Variants in SAXO4 observed in about 807,000 individuals in gnomAD.
SAXO4 encodes protein phosphatase 1 regulatory subunit 32.
At chr11:61,488,019 C>A in the SAXO4 span, among the ~76,000 whole-genome samples, 4 of 149,358 alleles carry the variant, frequency 2.7e-5, no homozygotes, top group Admixed American at 6.7e-5. Flanking sequence ...TGGAGTTTCA[C>A]TCTGTCGCCC....
At chr11:61,490,658 C>T in the SAXO4 span, 3 of 1,373,630 alleles carry the variant, frequency 2.2e-6, no homozygotes, top group East Asian at 2.3e-5. Context: ...CCCTGCCTCT[C>T]AAGCCCTGGG....
At chr11:61,485,192 C>A in the SAXO4 span, 1 of 670,056 alleles carries the variant, frequency 1.5e-6, no homozygotes, top group Non-Finnish European at 2.6e-6. Context: ...ATGTCCCACC[C>A]CACAGAGACT....
At chr11:61,485,686 G>A in the SAXO4 span, 3 of 812,950 alleles carry the variant, frequency 3.7e-6, no homozygotes, top group South Asian at 1.6e-5. Flanking sequence ...TCATGGCGCA[G>A]GTCTCCAGGA....
At chr11:61,482,334 G>A in the SAXO4 span, 1 of 1,614,170 alleles carries the variant, frequency 6.2e-7, no homozygotes, top group Non-Finnish European at 8.5e-7. Flanking sequence ...CAAGCCCCGT[G>A]TGGGCAGTCA....
chr11:61,489,468 G>A, the SAXO4 span: 2 of 558,644 alleles, frequency 3.6e-6, no homozygotes, highest in Non-Finnish European at 6.3e-6. Flanking sequence ...AAATGAAATG[G>A]AAGGAAAGTT....
chr11:61,481,949 T>G, the SAXO4 span: 1 of 1,445,260 alleles, frequency 6.9e-7, no homozygotes, highest in Non-Finnish European at 9.5e-7. Context: ...GAGCCTCTGC[T>G]AGGACATGGG....
At chr11:61,490,130 T>G in the SAXO4 span, among the ~76,000 whole-genome samples, 2 of 152,120 alleles carry the variant, frequency 1.3e-5, no homozygotes, top group South Asian at 4.1e-4. Flanking sequence ...CTCCTTCCAG[T>G]GACCCCTCCC....
the SAXO4 span, chr11:61,486,580 C>A: frequency 6.2e-7 from 1 of 1,614,142 alleles, no homozygotes; most frequent in Non-Finnish European, 8.5e-7. Context: ...CAGCCTTCAG[C>A]CGAGGGAATG....
the SAXO4 span, chr11:61,486,378 A>C: frequency 6.2e-7 from 1 of 1,614,110 alleles, no homozygotes. Flanking sequence ...ACCAAGTCAG[A>C]CTTCCTCCCC....
the SAXO4 span, chr11:61,484,944 C>T: frequency 8.5e-7 from 1 of 1,178,054 alleles, no homozygotes; most frequent in Non-Finnish European, 1.2e-6. Flanking sequence ...CTCAGGGCGC[C>T]AAGAAAGATG....
At chr11:61,487,570 A>G in the SAXO4 span, among the ~76,000 whole-genome samples, 7 of 152,216 alleles carry the variant, frequency 4.6e-5, no homozygotes, top group Non-Finnish European at 8.8e-5. Context: ...TGGGGTATTT[A>G]TACCCCCACA....
chr11:61,489,850 T>C, the SAXO4 span: 2 of 1,613,898 alleles, frequency 1.2e-6, no homozygotes, highest in Non-Finnish European at 1.7e-6. Context: ...CAGCCCCAGA[T>C]GCCAGGAGGC....
At chr11:61,488,574 G>C in the SAXO4 span, among the ~76,000 whole-genome samples, 52 of 152,280 alleles carry the variant, frequency 3.4e-4, no homozygotes, top group African/African-American at 1.2e-3. Flanking sequence ...ATAATTCTTA[G>C]GACAAACTCC....
At chr11:61,489,614 T>C in the SAXO4 span, 1 of 681,146 alleles carries the variant, frequency 1.5e-6, no homozygotes, top group South Asian at 1.7e-5. Context: ...GGCAGGCTTT[T>C]TGAGTAAGAG....
the SAXO4 span, among the ~76,000 whole-genome samples, chr11:61,487,862 C>A: frequency 1.5e-3 from 223 of 152,296 alleles, 1 homozygote; most frequent in African/African-American, 5.1e-3. Context: ...GAGTGACTGT[C>A]CTGGGCATCA....
the SAXO4 span, chr11:61,490,683 C>T: frequency 1.1e-4 from 113 of 1,069,906 alleles, 1 homozygote; most frequent in South Asian, 1.4e-3. Flanking sequence ...GCAAGTCCTG[C>T]CTGGGGACCC....
the SAXO4 span, chr11:61,485,942 AG>A: frequency 6.7e-6 from 10 of 1,496,428 alleles, no homozygotes; most frequent in Admixed American, 1.7e-5. Flanking sequence ...CTAGAACTTT[AG>A]GGGGCTTGAA....
At chr11:61,487,148 G>A in the SAXO4 span, 4 of 1,613,942 alleles carry the variant, frequency 2.5e-6, no homozygotes, top group Middle Eastern at 3.3e-4. Flanking sequence ...TTGTGCAGGA[G>A]CCCACAGGGT....
the SAXO4 span, chr11:61,484,552 G>C: frequency 9.0e-7 from 1 of 1,110,538 alleles, no homozygotes; most frequent in African/African-American, 1.6e-5. Context: ...GCAGAGAGGG[G>C]ACATGCAGGT....
Sources: gnomAD v4.1 joint callset for allele counts (sites outside exome capture counted in the v4.1 genomes callset) on GRCh38, gnomAD v4.1.1 for gene constraint, MANE v1.5 for transcripts, NCBI Gene and HGNC (gene_info 2026-07-23, HGNC 2026-07-21) for gene names.